The following PHC1 variants were observed in gnomAD, a reference collection of about 807,000 sequenced individuals.
The protein encoded by PHC1 is polyhomeotic-like protein 1.
PHC1 carries 12 observed loss-of-function variants against 104.3 expected under a neutral mutation model. The ratio of observed to expected loss-of-function variants is 0.12; its 90% CI spans 0.07 to 0.19. The LOEUF (loss-of-function observed/expected upper bound fraction) is 0.19, where lower values mean the gene tolerates loss of function less well. Among genes scored for constraint, PHC1 ranks in the 10% least tolerant of loss-of-function variants. PHC1 has a pLI of 1.00. For missense variants in PHC1, 671 were observed against 1,200.0 expected, an observed-to-expected ratio of 0.56 and a Z score of 6.51; for synonymous variants, 302 against 455.8, an observed-to-expected ratio of 0.66 and a Z score of 4.30.
At chr12:8,922,489 A>G in intron 5 of PHC1, 144 bp from the exon 6 acceptor site, 1 of 647,656 alleles carries the variant, frequency 1.5e-6, no homozygotes, top group South Asian at 2.0e-5. Flanking sequence ...GGAGAATATG[A>G]GGCTCCTGGG....
chr12:8,937,719 T>TA (rs1341502005), intron 13 of PHC1, 110 bp from the exon 14 acceptor site: 42 of 743,414 alleles, frequency 5.6e-5, no homozygotes, highest in Non-Finnish European at 9.0e-5. Context: ...TTATTTCACA[T>TA]ATGATAAGAT....
At chr12:8,931,029 C>T (rs761705663) in intron 7 of PHC1, 102 bp downstream of exon 7, 58 of 1,225,750 alleles carry the variant, frequency 4.7e-5, no homozygotes, top group Admixed American at 1.0e-4. Context: ...GTTTTTTCCC[C>T]GCTTCTGTTG....
intron 6 of PHC1, 95 bp from the exon 7 acceptor site, chr12:8,930,340 G>T: frequency 6.6e-7 from 1 of 1,516,938 alleles, no homozygotes; most frequent in Non-Finnish European, 8.9e-7. Flanking sequence ...GTATTCTGTG[G>T]AATACGACAC....
At position 8,919,689 on chromosome 12, in the gene PHC1, C is replaced by A; in HGVS notation, c.115-67C>A. On this transcript the variant is annotated intron_variant, in intron 2 of 14. Coordinates refer to ENST00000544916, the MANE Select transcript of PHC1 (RefSeq NM_004426.3). This position sits in a 1 kb window ranked among gnomAD's most constrained non-coding sequence, Gnocchi z 4.9. The stretch of plus-strand genomic sequence containing the variant: ...CCCATGGCCCCCTTTCACACAAATA[C>A]AGTGATTTACATAGAATAGGAGCTA... 6.8e-7 allele frequency: 1 copy of A among 1,467,826 alleles called. No individual in the cohort carries two copies. The highest frequency in any genetic ancestry group is 1.9e-5 in the Admixed American group (1 of 52,074). The allele number at this position is 1,467,826 out of a possible 1,614,324, so 90.9% of individuals were successfully genotyped here.
chr12:8,933,492 G>A (rs776571942), intron 8 of PHC1, 142 bp downstream of exon 8: 5 of 1,074,908 alleles, frequency 4.7e-6, no homozygotes, highest in Middle Eastern at 2.2e-4. Context: ...CTGTAAGAGA[G>A]TGACACATTA....
chr12:8,920,568 C>G (rs1310419497), intron 3 of PHC1, among the ~76,000 whole-genome samples: 1 of 152,100 alleles, frequency 6.6e-6, no homozygotes, highest in African/African-American at 2.4e-5. Context: ...ATTAGCTGGG[C>G]GTGGTGGTGT....
Position 8,936,929 on chromosome 12 carries a change from C to T in PHC1, c.2442C>T (p.Gly814=). 1.2e-6 allele frequency: 2 copies of T among 1,612,408 alleles called. No homozygotes were observed. The highest frequency in any genetic ancestry group is 4.5e-5 in the East Asian group (2 of 44,866). ...GKYAPAEQFR[G]SKRFCSMTCA... is the part of the protein sequence containing the mutation. ...ACGCCCCCGCAGAGCAGTTTCGTGG[C>T]TCTAAGAGGTTCTGCTCCATGACTT... The change falls in exon 12 of 15, where the codon GGC becomes GGT. Residue 814 remains glycine (G), a synonymous_variant. Coordinates refer to ENST00000544916, the MANE Select transcript of PHC1 (RefSeq NM_004426.3).
intron 9 of PHC1, 39 bp from the exon 10 acceptor site, chr12:8,934,228 C>A (rs761239301): frequency 6.7e-7 from 1 of 1,500,114 alleles, no homozygotes. Flanking sequence ...ATCAATATGT[C>A]ATCTCATGTC....
At chr12:8,926,005 A>G (rs1241252754) in intron 6 of PHC1, among the ~76,000 whole-genome samples, 2 of 152,172 alleles carry the variant, frequency 1.3e-5, no homozygotes, top group Non-Finnish European at 2.9e-5. Flanking sequence ...ATCATTGAAG[A>G]GGGTGAACTA....
At chr12:8,916,199 C>T (rs1005504798) in intron 1 of PHC1, 1 of 151,120 alleles carries the variant, frequency 6.6e-6, no homozygotes, top group Non-Finnish European at 1.5e-5. Flanking sequence ...ATTTGCTAGT[C>T]CTAAATGAAA....
Position 8,928,472 on chromosome 12 carries a change from G to A in PHC1, c.613-1963G>A, listed in dbSNP as rs763325689. 9.2e-5 allele frequency among the ~76,000 whole-genome samples: 14 copies of A among 152,246 alleles called. No individual in the cohort carries two copies. The South Asian group carries it at 2.9e-3, about 32-fold the overall frequency. ...AATTTTTAATAATGTAATAAGCAGT[G>A]TGCAGTTCCGTCTACTGCCTTCCAT... is the stretch of plus-strand genomic sequence containing the variant. On this transcript the variant is annotated intron_variant, in intron 6 of 14. Transcript: ENST00000544916.
At chr12:8,925,383 C>G (rs1945487355) in intron 6 of PHC1, among the ~76,000 whole-genome samples, 1 of 152,146 alleles carries the variant, frequency 6.6e-6, no homozygotes, top group South Asian at 2.1e-4. Flanking sequence ...GTGGAGCTCA[C>G]AGACCATTGA....
At chr12:8,922,314 T>C (rs1945388132) in intron 5 of PHC1, among the ~76,000 whole-genome samples, 1 of 152,238 alleles carries the variant, frequency 6.6e-6, no homozygotes, top group Non-Finnish European at 1.5e-5. Flanking sequence ...AACCTGTGGC[T>C]CAAGTATACA....
At chr12:8,927,014 C>G (rs1395998111) in intron 6 of PHC1, among the ~76,000 whole-genome samples, 2 of 152,136 alleles carry the variant, frequency 1.3e-5, no homozygotes, top group Non-Finnish European at 2.9e-5. Flanking sequence ...AAAAGCAGTT[C>G]AAGGTCGACA....
chr12:8,937,516 T>A (rs1169058546), intron 13 of PHC1, among the ~76,000 whole-genome samples, 190 bp downstream of exon 13: 1 of 152,184 alleles, frequency 6.6e-6, no homozygotes, highest in Non-Finnish European at 1.5e-5. Flanking sequence ...TACTGGTTCA[T>A]GTTTCCATTA....
intron 4 of PHC1, among the ~76,000 whole-genome samples, chr12:8,921,330 T>C (rs1945356340): frequency 1.3e-5 from 2 of 152,156 alleles, no homozygotes; most frequent in South Asian, 4.1e-4. Flanking sequence ...CCTGGACTCT[T>C]CAATGAGAAG....
At position 8,940,067 on chromosome 12, in the gene PHC1, G is replaced by GTATT. The variant is rs1472021774; in HGVS notation, c.*610_*613dup. On this transcript the variant is annotated 3_prime_UTR_variant, in exon 15 of 15. Transcript: ENST00000544916. ...GCATCTTCTGCTGCAGGGACTAAAAGTATTTGACTGGGGCACATGTGGCTG... is the reference window on the plus strand; with the variant it reads ...GCATCTTCTGCTGCAGGGACTAAAAGTATTTATTTGACTGGGGCACATGTGGCTG... The GTATT allele has an allele frequency of 3.9e-5, 14 of 355,526 alleles. No homozygotes were observed. The highest frequency in any genetic ancestry group is 7.2e-5 in the Non-Finnish European group (13 of 180,446). 22.0% of individuals were successfully genotyped at this position (355,526 alleles called of 1,614,324 possible).
intron 11 of PHC1, among the ~76,000 whole-genome samples, chr12:8,935,824 G>A (rs1269568705): frequency 1.3e-5 from 2 of 151,936 alleles, no homozygotes; most frequent in African/African-American, 4.8e-5. Context: ...GCAATGGTGG[G>A]ATCTTGGCTC....
At chr12:8,937,353 G>A (rs766497525) in intron 13 of PHC1, 27 bp downstream of exon 13, 39 of 1,561,470 alleles carry the variant, frequency 2.5e-5, no homozygotes, top group African/African-American at 2.5e-4. Context: ...AGAGCCAGAT[G>A]CCTTTAAACT....
Sources: allele counts gnomAD v4.1 joint callset (sites outside exome capture counted in the v4.1 genomes callset), GRCh38; gene constraint gnomAD v4.1.1; non-coding constraint Gnocchi (gnomAD v3.1); transcripts MANE v1.5; gene names NCBI Gene and HGNC (gene_info 2026-07-23, HGNC 2026-07-21).